PIK3C2G: variants seen among roughly 807,000 people sequenced by gnomAD.
PIK3C2G encodes phosphatidylinositol 3-kinase C2 domain-containing subunit gamma.
In PIK3C2G, 168 loss-of-function variants were observed where a neutral mutation model predicts 181.1. The ratio of observed to expected loss-of-function variants is 0.93; its 90% CI spans 0.82 to 1.05. The LOEUF is 1.05. Among genes scored for constraint, PIK3C2G ranks in the 50% least tolerant of loss-of-function variants. The pLI, the probability that PIK3C2G is intolerant of heterozygous loss-of-function variation, is 0.00. For missense variants in PIK3C2G, 1,869 were observed against 1,732.8 expected (o/e 1.08, Z -1.40); for synonymous variants, 573 against 592.2 (o/e 0.97, Z 0.47).
At chr12:18,532,687 GCCA>G in intron 24 of PIK3C2G, among the ~76,000 whole-genome samples, 1 of 152,004 alleles carries the variant, frequency 6.6e-6, no homozygotes, top group Non-Finnish European at 1.5e-5. Context: ...TGTGTATTCT[GCCA>G]CCAATACCAA....
intron 8 of PIK3C2G, among the ~76,000 whole-genome samples, chr12:18,330,706 G>A: frequency 6.6e-6 from 1 of 152,116 alleles, no homozygotes; most frequent in East Asian, 1.9e-4. Context: ...AGAGGCCAGG[G>A]ATGAGGAGCA....
At chr12:18,265,236 G>A (rs1274147762) in intron 1 of PIK3C2G, among the ~76,000 whole-genome samples, 1 of 151,976 alleles carries the variant, frequency 6.6e-6, no homozygotes, top group Non-Finnish European at 1.5e-5. Flanking sequence ...CTTGATACTT[G>A]GTTTCTGATG....
chr12:18,497,771 G>T (rs764428202), intron 22 of PIK3C2G, 23 bp downstream of exon 22: 3 of 1,540,050 alleles, frequency 1.9e-6, no homozygotes, highest in South Asian at 1.2e-5. Flanking sequence ...TAGAAAGTGC[G>T]CTGGCTCACA....
At chr12:18,667,193 C>T in the PIK3C2G span, among the ~76,000 whole-genome samples, 1 of 152,088 alleles carries the variant, frequency 6.6e-6, no homozygotes, top group Admixed American at 6.5e-5. Flanking sequence ...AACTTGTAAG[C>T]TTTGAATGAA....
At position 18,500,234 on chromosome 12, in the gene PIK3C2G, C is replaced by T. The variant is rs927317135; in HGVS notation, c.3016+2486C>T. 5.3e-5 allele frequency among the ~76,000 whole-genome samples: 8 copies of T among 152,072 alleles called. No individual in the cohort carries two copies. In the East Asian group the frequency reaches 1.6e-3, roughly 30 times the overall value. On this transcript the variant is annotated intron_variant, in intron 22 of 32. Transcript: ENST00000538779. The stretch of plus-strand genomic sequence containing the variant: ...GGGCGTGGGCTTGGCGGGCCCCGCA[C>T]TCGGAGCGGCCGGCCGGCCCTGCCG...
At chr12:18,692,121 A>G in the PIK3C2G span, among the ~76,000 whole-genome samples, 1 of 152,168 alleles carries the variant, frequency 6.6e-6, no homozygotes, top group African/African-American at 2.4e-5. Context: ...ACAGCCAGGT[A>G]ATGGGGAGCA....
intron 5 of PIK3C2G, among the ~76,000 whole-genome samples, chr12:18,310,152 T>C (rs1212492705): frequency 6.6e-6 from 1 of 151,840 alleles, no homozygotes; most frequent in African/African-American, 2.4e-5. Flanking sequence ...ATTATAAAAA[T>C]CTAAAATGAT....
chr12:18,266,032 A>AAAAAC (rs1948480213), intron 1 of PIK3C2G, among the ~76,000 whole-genome samples: 1 of 150,966 alleles, frequency 6.6e-6, no homozygotes, highest in Non-Finnish European at 1.5e-5. Context: ...AAAAAAAAAA[A>AAAAAC]AAAAAAAAAC....
At chr12:18,333,214 A>T (rs1284687554) in intron 8 of PIK3C2G, among the ~76,000 whole-genome samples, 2 of 152,110 alleles carry the variant, frequency 1.3e-5, no homozygotes, top group Non-Finnish European at 2.9e-5. Flanking sequence ...GGGTTCAGAA[A>T]AAGTTATAAT....
chr12:18,284,156 G>A (rs892894596), intron 2 of PIK3C2G, among the ~76,000 whole-genome samples: 3 of 152,148 alleles, frequency 2.0e-5, no homozygotes, highest in Non-Finnish European at 2.9e-5. Flanking sequence ...TAATGTCAGC[G>A]TTTGGCTGAG....
chr12:18,291,209 T>A (rs567373177), intron 4 of PIK3C2G, among the ~76,000 whole-genome samples, 197 bp downstream of exon 4: 37 of 152,346 alleles, frequency 2.4e-4, no homozygotes, highest in African/African-American at 8.9e-4. Context: ...TCAAGAAGTA[T>A]CTTCACATAG....
chr12:18,719,751 A>C, the PIK3C2G span: 1 of 632,002 alleles, frequency 1.6e-6, no homozygotes, highest in Non-Finnish European at 2.5e-6. Context: ...ATATTCCTTT[A>C]GAATTAATAT....
chr12:18,611,374 T>C lies in PIK3C2G; in HGVS notation c.4182+1745T>C, dbSNP rs192135443. Among the ~76,000 whole-genome samples, 5 of 152,294 alleles carry C rather than the reference T, an allele frequency of 3.3e-5. No homozygotes were observed. The East Asian group carries it at 7.7e-4, about 24-fold the overall frequency. ...CAGTCTGCCTTCTCAGTTTACTTGC[T>C]AGTTCCTCTCTTCTCCCTAATCTCT... On this transcript the variant is annotated intron_variant, in intron 31 of 32. Transcript: ENST00000538779.
intron 5 of PIK3C2G, among the ~76,000 whole-genome samples, chr12:18,308,036 A>G (rs1160256656): frequency 6.6e-6 from 1 of 151,910 alleles, no homozygotes; most frequent in Non-Finnish European, 1.5e-5. Flanking sequence ...CATTTATAGC[A>G]TATCTTAATT....
chr12:18,266,855 T>G (rs1278541779), intron 1 of PIK3C2G, among the ~76,000 whole-genome samples: 1 of 151,838 alleles, frequency 6.6e-6, no homozygotes, highest in Non-Finnish European at 1.5e-5. Context: ...CATTCTCTTC[T>G]TTTTCTTCAT....
intron 3 of PIK3C2G, 88 bp from the exon 4 acceptor site, chr12:18,290,766 GT>G: frequency 1.2e-6 from 1 of 831,052 alleles, no homozygotes; most frequent in Non-Finnish European, 1.9e-6. Flanking sequence ...ACTACATGAA[GT>G]TTCTTAAAAT....
chr12:18,403,158 G>A (rs1944345822), intron 16 of PIK3C2G, among the ~76,000 whole-genome samples: 1 of 152,052 alleles, frequency 6.6e-6, no homozygotes, highest in South Asian at 2.1e-4. Flanking sequence ...TCTCGGTCAT[G>A]CTCAGATGTT....
the PIK3C2G span, among the ~76,000 whole-genome samples, chr12:18,708,931 T>C: frequency 1.3e-5 from 2 of 152,118 alleles, no homozygotes; most frequent in Non-Finnish European, 2.9e-5. Context: ...ATACATGGTT[T>C]GCAAATATTT....
At chr12:18,608,356 A>G (rs1035987122) in intron 30 of PIK3C2G, among the ~76,000 whole-genome samples, 1 of 152,032 alleles carries the variant, frequency 6.6e-6, no homozygotes, top group Non-Finnish European at 1.5e-5. Flanking sequence ...GCACATATAC[A>G]CCATGGAATA....
Sources: gnomAD v4.1 joint callset for allele counts (sites outside exome capture counted in the v4.1 genomes callset) on GRCh38, gnomAD v4.1.1 for gene constraint, MANE v1.5 for transcripts, NCBI Gene and HGNC (gene_info 2026-07-23, HGNC 2026-07-21) for gene names.